The following SPATS1 variants were observed in gnomAD, a reference collection of about 807,000 sequenced individuals.
SPATS1 encodes spermatogenesis associated serine rich 1, also known as spermatogenesis-associated serine-rich protein 1.
SPATS1 carries 23 observed loss-of-function variants against 33.6 expected under a neutral mutation model. The ratio of observed to expected loss-of-function variants is 0.68; its 90% CI spans 0.49 to 0.97. The LOEUF is 0.97. Ranked by LOEUF, SPATS1 falls within the 50% of genes least tolerant of loss-of-function variation. SPATS1 has a pLI of 0.00. For missense variants in SPATS1, 327 were observed against 361.0 expected, an observed-to-expected ratio of 0.91 and a Z score of 0.76; for synonymous variants, 131 against 125.6, an observed-to-expected ratio of 1.04 and a Z score of -0.29.
At chr6:44,372,528 T>A (rs1160652462) in intron 7 of SPATS1, among the ~76,000 whole-genome samples, 4 of 152,050 alleles carry the variant, frequency 2.6e-5, no homozygotes, top group Non-Finnish European at 5.9e-5. Context: ...AGTGGCGCAA[T>A]CTGGGCTCAC....
At chr6:44,364,300 A>T (rs746478334) in intron 5 of SPATS1, among the ~76,000 whole-genome samples, 56 of 152,372 alleles carry the variant, frequency 3.7e-4, no homozygotes, top group Admixed American at 1.0e-3. Context: ...AAATGCCACA[A>T]TTTAAAAATA....
chr6:44,370,251 T>C (rs749357236), intron 7 of SPATS1, 138 bp downstream of exon 7: 11 of 703,222 alleles, frequency 1.6e-5, no homozygotes, highest in East Asian at 2.6e-5. Context: ...TGGGGCAGTT[T>C]GTAAGGAAGG....
At chr6:44,367,232 C>T (rs924376895) in intron 5 of SPATS1, among the ~76,000 whole-genome samples, 6 of 152,142 alleles carry the variant, frequency 3.9e-5, no homozygotes, top group Admixed American at 6.5e-5. Flanking sequence ...GGATTACTGG[C>T]GTGTGCCACC....
intron 3 of SPATS1, 94 bp downstream of exon 3, chr6:44,352,967 GCA>G (rs1788332229): frequency 4.4e-6 from 6 of 1,368,870 alleles, no homozygotes; most frequent in Non-Finnish European, 5.1e-6. Flanking sequence ...CTTGGCAAGA[GCA>G]TGGATTCTGG....
rs143239500 is a variant in SPATS1, at chr6:44,352,792, G to T, written c.206G>T (p.Ser69Ile). The change falls in exon 3 of 9, where the codon AGT becomes ATT. Residue 69 changes from serine (S) to isoleucine (I), a missense_variant. Physicochemically the swap from Ser to Ile is moderately radical, Grantham distance 142. Coordinates refer to ENST00000674044, the MANE Select transcript of SPATS1 (RefSeq NM_001372081.1). ...CFANTTPSGK[S>I]VSSSSSVETG... is the part of the protein sequence containing the mutation. The stretch of plus-strand genomic sequence containing the variant: ...GCCAACACAACACCCTCTGGCAAAA[G>T]TGTCAGTTCCTCATCTTCTGTGGAA... 2.5e-6 allele frequency: 4 copies of T among 1,614,152 alleles called. No homozygotes were observed. The highest frequency in any genetic ancestry group is 3.4e-6 in the Non-Finnish European group (4 of 1,180,004).
chr6:44,364,978 A>G (rs546439524), intron 5 of SPATS1, among the ~76,000 whole-genome samples: 10 of 152,090 alleles, frequency 6.6e-5, no homozygotes, highest in African/African-American at 2.2e-4. Context: ...TAGTAGAGAC[A>G]GGGTTTCACC....
intron 2 of SPATS1, among the ~76,000 whole-genome samples, chr6:44,349,354 T>G (rs1162801292): frequency 7.4e-6 from 1 of 136,052 alleles, no homozygotes; most frequent in African/African-American, 2.7e-5. Flanking sequence ...TTTATTGAAA[T>G]ATTAGGTCAG....
At position 44,378,123 on chromosome 6, in the gene SPATS1, C is replaced by G. The variant is rs573361211; in HGVS notation, c.*1060C>G. ...TCCCCAGTTTAGTATTGCCTATCTA[C>G]AATAGCCAAGCAGGGTGAGAGCTCA... On this transcript the variant is annotated 3_prime_UTR_variant, in exon 9 of 9. Transcript: ENST00000674044. The G allele has an allele frequency of 6.6e-6, 1 of 152,088 alleles. No individual in the cohort carries two copies. The highest frequency in any genetic ancestry group is 2.4e-5 in the African/African-American group (1 of 41,392). 9.4% of individuals were successfully genotyped at this position (152,088 alleles called of 1,614,324 possible). A position where few individuals can be genotyped will look rare whatever the true frequency, so the allele number is the denominator to read the frequency against.
At position 44,361,887 on chromosome 6, in the gene SPATS1, A is replaced by G. The variant is rs1788944380; in HGVS notation, c.469A>G (p.Thr157Ala). The G allele has an allele frequency of 1.9e-6, 3 of 1,614,110 alleles. No individual in the cohort carries two copies. Among genetic ancestry groups the G allele is most frequent in the Non-Finnish European group, 2.5e-6 (3 of 1,180,050 alleles). The change falls in exon 5 of 9, where the codon ACC (threonine) becomes GCC (alanine). Residue 157 changes from threonine to alanine, a missense_variant. Coordinates refer to ENST00000674044, the MANE Select transcript of SPATS1 (RefSeq NM_001372081.1). ...FYPRFSSNIH[T>A]YHVGKQCFFN... ...CCCAAGGTTTAGCAGCAACATCCAC[A>G]CCTACCACGTCGGAAAGCAGTGCTT...
In SPATS1 at chr6:44,348,722, G is replaced by A. The variant is rs1012599407; in HGVS notation, c.140-4004G>A. Reference sequence around the variant, plus strand: ...GAAGCACTTTTGCGCGGTGGCTCACGCCTGTAATACCAGCACTTTGGGAGG... The same window carrying A: ...GAAGCACTTTTGCGCGGTGGCTCACACCTGTAATACCAGCACTTTGGGAGG... On this transcript the variant is annotated intron_variant, in intron 2 of 8. Coordinates refer to ENST00000674044, the MANE Select transcript of SPATS1 (RefSeq NM_001372081.1). Among the ~76,000 whole-genome samples the A allele has an allele frequency of 6.6e-5, 10 of 152,320 alleles. No individual in the cohort carries two copies. In the East Asian group the frequency reaches 1.4e-3, roughly 21 times the overall value.
intron 2 of SPATS1, 110 bp from the exon 3 acceptor site, chr6:44,352,616 T>C (rs1176161381): frequency 2.1e-6 from 2 of 949,230 alleles, no homozygotes; most frequent in Non-Finnish European, 3.3e-6. Flanking sequence ...GCACAGTAAA[T>C]GTTCAATAAA....
At position 44,342,692 on chromosome 6, in the gene SPATS1, T is replaced by C; in HGVS notation, c.-77T>C. On this transcript the variant is annotated 5_prime_UTR_variant, in exon 1 of 9. Transcript: ENST00000674044. ...GAGAAGCAGGCGGCTGCGGTGTCCCTTTTGCCCTAGGCTCTCGGTTCTCAG... is the reference window on the plus strand; with the variant it reads ...GAGAAGCAGGCGGCTGCGGTGTCCCCTTTGCCCTAGGCTCTCGGTTCTCAG... 2.2e-6 allele frequency: 1 copy of C among 457,944 alleles called. No homozygotes were observed. Among genetic ancestry groups the C allele is most frequent in the Middle Eastern group, 3.2e-4 (1 of 3,080 alleles). The allele number at this position is 457,944 out of a possible 1,614,324, so 28.4% of individuals were successfully genotyped here.
chr6:44,368,026 G>A (rs969867018), intron 5 of SPATS1, among the ~76,000 whole-genome samples: 34 of 152,178 alleles, frequency 2.2e-4, no homozygotes, highest in Non-Finnish European at 1.5e-5. Context: ...CTAAGACTCA[G>A]GGATTCAAAG....
rs1789599429 is a variant in SPATS1, at chr6:44,371,313, A to G, written c.758+1200A>G. ...ACCCTGTCTCAAATTAAAAAAAAAA[A>G]AAAGAGAGAGAAGTCGATCAGCATA... is the stretch of plus-strand genomic sequence containing the variant. On this transcript the variant is annotated intron_variant, in intron 7 of 8. Transcript: ENST00000674044. Among the ~76,000 whole-genome samples, 4 of 152,182 alleles carry G rather than the reference A, an allele frequency of 2.6e-5. No individual in the cohort carries two copies. In the South Asian group the frequency reaches 8.3e-4, roughly 32 times the overall value.
chr6:44,353,350 T>G (rs766388682), intron 3 of SPATS1, among the ~76,000 whole-genome samples: 7 of 152,198 alleles, frequency 4.6e-5, no homozygotes, highest in Non-Finnish European at 8.8e-5. Flanking sequence ...AGATGGTTTC[T>G]GGGGAGTGGG....
intron 2 of SPATS1, among the ~76,000 whole-genome samples, chr6:44,351,225 T>C (rs1561954969): frequency 6.6e-6 from 1 of 152,040 alleles, no homozygotes; most frequent in Non-Finnish European, 1.5e-5. Flanking sequence ...AGCATTTGCA[T>C]TGTATTAGGT....
rs369788245 is a variant in SPATS1, at chr6:44,376,324, A to C, written c.759-34A>C. 1.9e-5 allele frequency: 28 copies of C among 1,476,612 alleles called. 1 individual carries two copies. The highest frequency in any genetic ancestry group is 3.6e-5 in the Admixed American group (2 of 56,140). The allele number at this position is 1,476,612 out of a possible 1,614,324, so 91.5% of individuals were successfully genotyped here. A position where few individuals can be genotyped will look rare whatever the true frequency, so the allele number is the denominator to read the frequency against. On this transcript the variant is annotated intron_variant, in intron 7 of 8. Coordinates refer to ENST00000674044, the MANE Select transcript of SPATS1 (RefSeq NM_001372081.1). Reference sequence around the variant, plus strand: ...GTTGGTGTTTGTAAATTTTGCATCAAACTACAACTCAGGGTGTTGTCTTCT... The same window carrying C: ...GTTGGTGTTTGTAAATTTTGCATCACACTACAACTCAGGGTGTTGTCTTCT...
At chr6:44,354,696 T>A (rs1788459337) in intron 3 of SPATS1, among the ~76,000 whole-genome samples, 1 of 152,204 alleles carries the variant, frequency 6.6e-6, no homozygotes, top group African/African-American at 2.4e-5. Context: ...TGAACCTACA[T>A]GGATACATCA....
chr6:44,378,933 G>T lies in SPATS1; in HGVS notation c.*1870G>T, dbSNP rs1000909897. 1 of 151,984 alleles carries T rather than the reference G, an allele frequency of 6.6e-6. No individual in the cohort carries two copies. The highest frequency in any genetic ancestry group is 1.5e-5 in the Non-Finnish European group (1 of 68,012). 9.4% of individuals were successfully genotyped at this position (151,984 alleles called of 1,614,324 possible). On this transcript the variant is annotated 3_prime_UTR_variant, in exon 9 of 9. Transcript: ENST00000674044. The stretch of plus-strand genomic sequence containing the variant: ...TCCGTGCTAATCCTCTGGCCCCTGG[G>T]TCACAGGCCCACCCCTGCTCCCAAC...
Sources: gnomAD v4.1 joint callset for allele counts (sites outside exome capture counted in the v4.1 genomes callset) on GRCh38, gnomAD v4.1.1 for gene constraint, MANE v1.5 for transcripts, NCBI Gene and HGNC (gene_info 2026-07-23, HGNC 2026-07-21) for gene names.